Variants in SDK1 observed in about 807,000 individuals in gnomAD.
SDK1 encodes protein sidekick-1.
A neutral mutation model predicts 245.5 loss-of-function variants in SDK1; 157 were observed. The observed-to-expected ratio is 0.64, with a 90% CI of 0.56 to 0.73. SDK1 has a LOEUF of 0.73. Ranked by LOEUF, SDK1 falls within the 30% of genes least tolerant of loss-of-function variation. SDK1 has a pLI of 0.00. For synonymous variants in SDK1, 1,647 were observed against 1,278.5 expected (o/e 1.29, Z -6.15); for missense variants, 3,583 against 3,002.3 (o/e 1.19, Z -4.52).
At chr7:4,252,602 T>C (rs1465951053) in intron 44 of SDK1, among the ~76,000 whole-genome samples, 8 of 152,206 alleles carry the variant, frequency 5.3e-5, no homozygotes, top group Admixed American at 5.2e-4. Context: ...ATAAGGGATA[T>C]AGGTCTGTAG....
chr7:3,847,156 C>A (rs1261235851), intron 5 of SDK1, among the ~76,000 whole-genome samples: 1 of 152,072 alleles, frequency 6.6e-6, no homozygotes, highest in African/African-American at 2.4e-5. Context: ...CTGAAACCTC[C>A]AAACCCTGCC....
chr7:3,768,965 A>C (rs1002734159), intron 4 of SDK1, among the ~76,000 whole-genome samples: 2 of 152,222 alleles, frequency 1.3e-5, no homozygotes, highest in Admixed American at 1.3e-4. Context: ...CCCTGTTAAG[A>C]CCAAAATCTA....
Position 3,826,001 on chromosome 7 carries a change from T to A in SDK1, c.847+4418T>A, listed in dbSNP as rs147047729. 2.3e-4 allele frequency among the ~76,000 whole-genome samples: 35 copies of A among 152,348 alleles called. No homozygotes were observed. The East Asian group carries it at 6.7e-3, about 29-fold the overall frequency. ...TTGTATGACACTTTACTGCCAGAAT[T>A]TTTCAGAAACATAAATAGGAAGTCT... On this transcript the variant is annotated intron_variant, in intron 5 of 44. Coordinates refer to ENST00000404826, the MANE Select transcript of SDK1 (RefSeq NM_152744.4).
chr7:3,843,447 T>C (rs936158928), intron 5 of SDK1, among the ~76,000 whole-genome samples: 7 of 152,244 alleles, frequency 4.6e-5, no homozygotes, highest in Admixed American at 1.3e-4. Flanking sequence ...TACATTCCTA[T>C]CACCCGCAAA....
chr7:3,810,702 T>C (rs1431690578), intron 4 of SDK1, among the ~76,000 whole-genome samples: 1 of 152,340 alleles, frequency 6.6e-6, no homozygotes, highest in East Asian at 1.9e-4. Flanking sequence ...TCCCTCCTAC[T>C]AGACAGCATC....
In SDK1 at chr7:4,083,090, T is replaced by C. The variant is rs183195064; in HGVS notation, c.3324+3506T>C. 1.6e-4 allele frequency among the ~76,000 whole-genome samples: 24 copies of C among 152,316 alleles called. 1 individual carries two copies. In the East Asian group the frequency reaches 4.4e-3, roughly 28 times the overall value. On this transcript the variant is annotated intron_variant, in intron 22 of 44. Transcript: ENST00000404826. ...TGTTAAAAAAAAATGTTAACAGCTT[T>C]ATTGAGTTGCAATTGACATACAGGT...
At chr7:3,645,305 A>T (rs1782794000) in intron 4 of SDK1, among the ~76,000 whole-genome samples, 1 of 152,230 alleles carries the variant, frequency 6.6e-6, no homozygotes, top group African/African-American at 2.4e-5. Flanking sequence ...CAGGAAAATA[A>T]TGCAGTATAC....
At chr7:3,535,351 CAT>C (rs1778851077) in intron 1 of SDK1, among the ~76,000 whole-genome samples, 1 of 152,098 alleles carries the variant, frequency 6.6e-6, no homozygotes, top group Admixed American at 6.5e-5. Flanking sequence ...AAAAGTAAAA[CAT>C]ATACTATTCT....
At position 3,357,328 on chromosome 7, in the gene SDK1, G is replaced by GTTTTT. The variant is rs560124026; in HGVS notation, c.298+55479_298+55483dup. On this transcript the variant is annotated intron_variant, in intron 1 of 44. Coordinates refer to ENST00000404826, the MANE Select transcript of SDK1 (RefSeq NM_152744.4). ...TTACTCTTGCTCCCCTTCTTTTAGTGTTTTTTTTTTTTTTTTTTTTTTTTT... is the reference window on the plus strand; with the variant it reads ...TTACTCTTGCTCCCCTTCTTTTAGTGTTTTTTTTTTTTTTTTTTTTTTTTTTTTTT... Among the ~76,000 whole-genome samples, 203 of 52,930 alleles carry GTTTTT rather than the reference G, an allele frequency of 3.8e-3. 53 individuals are homozygous for GTTTTT. Among genetic ancestry groups the GTTTTT allele is most frequent in the East Asian group, 0.022 (29 of 1,294 alleles). 34.7% of individuals were successfully genotyped at this position (52,930 alleles called of 152,430 possible).
intron 4 of SDK1, among the ~76,000 whole-genome samples, chr7:3,808,441 G>A (rs928827302): frequency 6.6e-6 from 1 of 152,204 alleles, no homozygotes; most frequent in Non-Finnish European, 1.5e-5. Context: ...TCTCCCAACT[G>A]TGGCTAATGG....
intron 4 of SDK1, among the ~76,000 whole-genome samples, chr7:3,676,592 TG>T (rs1159696913): frequency 1.3e-5 from 2 of 152,194 alleles, no homozygotes; most frequent in Non-Finnish European, 2.9e-5. Flanking sequence ...CCCAAAGTGC[TG>T]GGATTACAGG....
chr7:4,150,612 C>T (rs150497882), intron 30 of SDK1, among the ~76,000 whole-genome samples: 20 of 152,344 alleles, frequency 1.3e-4, no homozygotes, highest in African/African-American at 2.6e-4. Context: ...CGAGGCTGCC[C>T]GTCTCAGCCC....
chr7:3,774,208 C>G (rs927545329), intron 4 of SDK1, among the ~76,000 whole-genome samples: 1 of 141,748 alleles, frequency 7.1e-6, no homozygotes, highest in Admixed American at 7.1e-5. Context: ...GAGCGAGACT[C>G]CATCTCAAAA....
intron 17 of SDK1, among the ~76,000 whole-genome samples, chr7:4,018,763 T>C (rs980811486): frequency 1.3e-5 from 2 of 152,144 alleles, no homozygotes; most frequent in Admixed American, 6.5e-5. Context: ...CAGTTGGCAG[T>C]GGGGAACCAT....
chr7:3,381,073 G>C (rs1460767152), intron 1 of SDK1, among the ~76,000 whole-genome samples: 2 of 152,208 alleles, frequency 1.3e-5, no homozygotes, highest in Non-Finnish European at 2.9e-5. Context: ...TGTGCTTAGA[G>C]GTGGTAATTG....
intron 5 of SDK1, among the ~76,000 whole-genome samples, chr7:3,948,052 G>A (rs564258992): frequency 2.0e-5 from 3 of 152,292 alleles, no homozygotes; most frequent in South Asian, 2.1e-4. Flanking sequence ...CCAGGATCAT[G>A]TACTACAATG....
chr7:3,902,223 A>G (rs934687505), intron 5 of SDK1, among the ~76,000 whole-genome samples: 76 of 152,198 alleles, frequency 5.0e-4, no homozygotes, highest in African/African-American at 1.7e-3. Flanking sequence ...TGTATTTTAA[A>G]TCATGAGTTT....
intron 5 of SDK1, among the ~76,000 whole-genome samples, chr7:3,858,009 C>T (rs1382032694): frequency 6.6e-6 from 1 of 152,172 alleles, no homozygotes; most frequent in Non-Finnish European, 1.5e-5. Context: ...GTTGTCACCT[C>T]TCCCCAAATC....
intron 13 of SDK1, among the ~76,000 whole-genome samples, chr7:3,984,141 CA>C (rs1485307181): frequency 6.6e-6 from 1 of 152,122 alleles, no homozygotes; most frequent in Non-Finnish European, 1.5e-5. Flanking sequence ...GGTCTGCTGG[CA>C]GGGGGAAAAT....
Sources: allele counts gnomAD v4.1 joint callset (sites outside exome capture counted in the v4.1 genomes callset), GRCh38; gene constraint gnomAD v4.1.1; transcripts MANE v1.5; gene names NCBI Gene and HGNC (gene_info 2026-07-23, HGNC 2026-07-21).